The following PSME3 variants were observed in gnomAD, a reference collection of about 807,000 sequenced individuals.
The protein encoded by PSME3 is proteasome activator complex subunit 3.
PSME3 carries 7 observed loss-of-function variants against 38.3 expected under a neutral mutation model. The observed-to-expected ratio is 0.18, with a 90% CI of 0.10 to 0.34. The LOEUF (loss-of-function observed/expected upper bound fraction) is 0.34. Among genes scored for constraint, PSME3 ranks in the 10% least tolerant of loss-of-function variants. PSME3 has a pLI of 1.00. For missense variants in PSME3, 192 were observed against 307.6 expected (o/e 0.62, Z 2.81); for synonymous variants, 108 against 105.7 (o/e 1.02, Z -0.13).
chr17:42,833,930 G>T (rs2055430238), intron 1 of PSME3: 1 of 1,440,834 alleles, frequency 6.9e-7, no homozygotes, highest in Non-Finnish European at 9.1e-7. Context: ...CTTTAGGCCC[G>T]TGACAGCTGG....
At chr17:42,840,544 G>A (rs1252899112) in intron 10 of PSME3, among the ~76,000 whole-genome samples, 4 of 151,322 alleles carry the variant, frequency 2.6e-5, no homozygotes, top group Non-Finnish European at 1.5e-5. Context: ...AGAGGTGTAG[G>A]TTGCAGTGAG....
rs1212298956 is a variant in PSME3, at chr17:42,833,595, C to G, written c.-37C>G. 12 of 1,613,938 alleles carry G rather than the reference C, an allele frequency of 7.4e-6. No individual in the cohort carries two copies. In the East Asian group the frequency reaches 2.5e-4, roughly 33 times the overall value. On this transcript the variant is annotated 5_prime_UTR_variant, in exon 1 of 11. Coordinates refer to ENST00000590720, the MANE Select transcript of PSME3 (RefSeq NM_005789.4). ...CCCCTCCCTGGAGTCCACAGCGCCTCCGGTGTCCAGAGGATCGGACACGGC... is the reference window on the plus strand; with the variant it reads ...CCCCTCCCTGGAGTCCACAGCGCCTGCGGTGTCCAGAGGATCGGACACGGC...
rs2055553073 is a variant in PSME3 at position 42,842,969 on chromosome 17, G to C, written c.*1391G>C. On this transcript the variant is annotated 3_prime_UTR_variant, in exon 11 of 11. Transcript: ENST00000590720. ...GCATCATTTTTACTCCCAATATTCT[G>C]TAGAGAGGGAGTCAGGATGCTGTCT... is the stretch of plus-strand genomic sequence containing the variant. 6.6e-6 allele frequency: 1 copy of C among 152,664 alleles called. No individual in the cohort carries two copies. The highest frequency in any genetic ancestry group is 1.5e-5 in the Non-Finnish European group (1 of 68,026). The allele number at this position is 152,664 out of a possible 1,614,324, so 9.5% of individuals were successfully genotyped here.
chr17:42,835,660 G>A (rs2055453149), intron 4 of PSME3, among the ~76,000 whole-genome samples: 1 of 151,736 alleles, frequency 6.6e-6, no homozygotes, highest in South Asian at 2.1e-4. Context: ...AGGAGGCGGA[G>A]CTTGCAGTGA....
chr17:42,836,821 C>G (rs1271527745), intron 4 of PSME3, among the ~76,000 whole-genome samples: 1 of 151,804 alleles, frequency 6.6e-6, no homozygotes, highest in Non-Finnish European at 1.5e-5. Context: ...CTTGGCCTCC[C>G]AAAGTGCTGG....
Position 42,834,034 on chromosome 17 carries a change from C to T in PSME3, c.43-310C>T, listed in dbSNP as rs1036096783. The T allele has an allele frequency of 2.6e-5, 37 of 1,439,676 alleles. 1 individual carries two copies. In the South Asian group the frequency reaches 3.3e-4, roughly 13 times the overall value. The allele number at this position is 1,439,676 out of a possible 1,614,324, so 89.2% of individuals were successfully genotyped here. ...TAGACTAGGTCTGGGTGGGGGTTGG[C>T]ACGTTTGTGAGCTCACATCTTCCCT... On this transcript the variant is annotated intron_variant, in intron 1 of 10. Coordinates refer to ENST00000590720, the MANE Select transcript of PSME3 (RefSeq NM_005789.4).
At chr17:42,835,250 C>T (rs145611418) in intron 4 of PSME3, among the ~76,000 whole-genome samples, 4,299 of 151,998 alleles carry the variant, frequency 0.028, 210 homozygotes, top group African/African-American at 0.096. Context: ...TTGCCCAGGC[C>T]GGTCTCAAAC....
intron 4 of PSME3, among the ~76,000 whole-genome samples, chr17:42,835,784 C>T (rs1164726034): frequency 6.6e-6 from 1 of 151,842 alleles, no homozygotes; most frequent in Non-Finnish European, 1.5e-5. Flanking sequence ...TGGCTCTGAA[C>T]AAGACTTTGC....
chr17:42,836,805 G>A (rs2055469314), intron 4 of PSME3, among the ~76,000 whole-genome samples: 2 of 151,746 alleles, frequency 1.3e-5, no homozygotes, highest in Non-Finnish European at 2.9e-5. Context: ...CAAGCGATCT[G>A]TGTGCCTTGG....
At chr17:42,838,059 T>A in intron 5 of PSME3, 34 bp from the exon 6 acceptor site, 2 of 1,610,240 alleles carry the variant, frequency 1.2e-6, no homozygotes, top group Middle Eastern at 1.7e-4. Context: ...TCCTTCCCTC[T>A]TCCCTGATCA....
In PSME3 at chr17:42,841,578, AGGCCAGGGCCAG is replaced by A; in HGVS notation, c.*9_*20del. 3 of 1,597,364 alleles carry A rather than the reference AGGCCAGGGCCAG, an allele frequency of 1.9e-6. No individual in the cohort carries two copies. The highest frequency in any genetic ancestry group is 2.6e-6 in the Non-Finnish European group (3 of 1,170,038). The stretch of plus-strand genomic sequence containing the variant: ...GCAGCAATGCAGAGACTCTGTACTG[AGGCCAGGGCCAG>A]GGCCAGGGGACTCTGTGAGTCTGGC... On this transcript the variant is annotated 3_prime_UTR_variant, in exon 11 of 11. Transcript: ENST00000590720.
intron 10 of PSME3, among the ~76,000 whole-genome samples, chr17:42,840,538 G>A (rs2055518913): frequency 6.6e-6 from 1 of 151,022 alleles, no homozygotes; most frequent in African/African-American, 2.5e-5. Context: ...AACCCAAGAG[G>A]TGTAGGTTGC....
intron 5 of PSME3, 137 bp from the exon 6 acceptor site, chr17:42,837,956 T>C (rs2055483425): frequency 1.0e-6 from 1 of 969,404 alleles, no homozygotes; most frequent in Non-Finnish European, 1.6e-6. Flanking sequence ...TCGTTGATTC[T>C]AATAGTGGTG....
chr17:42,842,690 A>G lies in PSME3; in HGVS notation c.*1112A>G, dbSNP rs1049770573. On this transcript the variant is annotated 3_prime_UTR_variant, in exon 11 of 11. Coordinates refer to ENST00000590720, the MANE Select transcript of PSME3 (RefSeq NM_005789.4). ...TGCATGCACACACGTGCATATACAC[A>G]TTTGTGTATGTGGAAATGTGCTGGG... is the stretch of plus-strand genomic sequence containing the variant. 1.3e-5 allele frequency: 2 copies of G among 152,782 alleles called. No individual in the cohort carries two copies. The highest frequency in any genetic ancestry group is 1.3e-4 in the Admixed American group (2 of 15,284). 9.5% of individuals were successfully genotyped at this position (152,782 alleles called of 1,614,324 possible). A position where few individuals can be genotyped will look rare whatever the true frequency, so the allele number is the denominator to read the frequency against.
Position 42,838,341 on chromosome 17 carries a change from T to C in PSME3, c.405+136T>C, listed in dbSNP as rs190366678. The C allele has an allele frequency of 2.2e-4, 318 of 1,418,946 alleles. 3 individuals carry two copies. The highest frequency in any genetic ancestry group is 6.5e-6 in the Non-Finnish European group (7 of 1,076,310). The allele number at this position is 1,418,946 out of a possible 1,614,324, so 87.9% of individuals were successfully genotyped here. A position where few individuals can be genotyped will look rare whatever the true frequency, so the allele number is the denominator to read the frequency against. On this transcript the variant is annotated intron_variant, in intron 6 of 10. Transcript: ENST00000590720. ...TTTTTTTTTTGAGATGGGGTCTCGC[T>C]CCATCACCCAGGTTGGAGTGCAGTG... is the stretch of plus-strand genomic sequence containing the variant.
At chr17:42,834,935 C>T (rs879224617) in intron 4 of PSME3, 59 bp downstream of exon 4, 2 of 1,602,390 alleles carry the variant, frequency 1.2e-6, no homozygotes, top group Non-Finnish European at 8.5e-7. Flanking sequence ...TCCTCTGTTT[C>T]CTTGTCAGTT....
intron 1 of PSME3, chr17:42,833,947 C>A: frequency 6.9e-7 from 1 of 1,439,752 alleles, no homozygotes; most frequent in South Asian, 1.5e-5. Flanking sequence ...CTGGTAATCC[C>A]CCAGCCCAAC....
Position 42,833,573 on chromosome 17 carries a change from C to G in PSME3, c.-59C>G. 6.2e-7 allele frequency: 1 copy of G among 1,610,522 alleles called. No individual in the cohort carries two copies. The highest frequency in any genetic ancestry group is 8.5e-7 in the Non-Finnish European group (1 of 1,177,338). ...AGATTTCTCAGGTCCCTCCGGCCCC[C>G]TCCCTGGAGTCCACAGCGCCTCCGG... On this transcript the variant is annotated 5_prime_UTR_variant, in exon 1 of 11. Coordinates refer to ENST00000590720, the MANE Select transcript of PSME3 (RefSeq NM_005789.4).
chr17:42,833,965 C>G (rs1041038900), intron 1 of PSME3: 2 of 1,439,880 alleles, frequency 1.4e-6, no homozygotes, highest in Admixed American at 2.8e-5. Flanking sequence ...AACAACGTCC[C>G]TGGACACTGC....
Sources: gnomAD v4.1 joint callset for allele counts (sites outside exome capture counted in the v4.1 genomes callset) on GRCh38, gnomAD v4.1.1 for gene constraint, MANE v1.5 for transcripts, NCBI Gene and HGNC (gene_info 2026-07-23, HGNC 2026-07-21) for gene names.